PEAK1: variants seen among roughly 807,000 people sequenced by gnomAD.
PEAK1 encodes the protein inactive tyrosine-protein kinase PEAK1.
PEAK1 carries 54 observed loss-of-function variants against 124.7 expected under a neutral mutation model. The ratio of observed to expected loss-of-function variants is 0.43; its 90% CI spans 0.35 to 0.54. The LOEUF is 0.54. PEAK1 is among the 20% of genes least tolerant of loss of function. The pLI is 0.01. For missense variants in PEAK1, 2,046 were observed against 2,134.5 expected (o/e 0.96, Z 0.82); for synonymous variants, 719 against 760.0 (o/e 0.95, Z 0.89).
chr15:77,177,283 G>T (rs2056944385), intron 7 of PEAK1, among the ~76,000 whole-genome samples: 1 of 152,018 alleles, frequency 6.6e-6, no homozygotes, highest in African/African-American at 2.4e-5. Context: ...TATTACTACT[G>T]GAGTACATTC....
Position 77,303,473 on chromosome 15 carries a change from T to C in PEAK1, c.-602-16969A>G, listed in dbSNP as rs142917366. On this transcript the variant is annotated intron_variant, in intron 2 of 9. Coordinates refer to ENST00000682557, the MANE Select transcript of PEAK1 (RefSeq NM_001385026.1). ...GCTGAGTAGTGGTACCACATTATTG[T>C]TTTAATTTGCAATTCCCTAATGACA... Among the ~76,000 whole-genome samples the C allele has an allele frequency of 3.3e-5, 5 of 152,304 alleles. No homozygotes were observed. In the East Asian group the frequency reaches 9.6e-4, roughly 29 times the overall value.
chr15:77,370,896 G>A, intron 1 of PEAK1: 1 of 408,078 alleles, frequency 2.5e-6, no homozygotes, highest in South Asian at 1.0e-4. Flanking sequence ...CACGTGTGGT[G>A]GCCCACGCCT....
rs1405771155 is a variant in PEAK1 at position 77,181,327 on chromosome 15, C to G, written c.600G>C (p.Gly200=). Residue 200 remains glycine (G), a synonymous_variant, in exon 7 of 10, where the codon GGG becomes GGC. Coordinates refer to ENST00000682557, the MANE Select transcript of PEAK1 (RefSeq NM_001385026.1). ...CATGCTTGCCCTGAGTTTCCTTTAT[C>G]CCACCTATCATGCAACTTGGTGGAA... ...RKLPPSCMIG[G]IKETQGKHVI... The G allele has an allele frequency of 6.2e-7, 1 of 1,614,120 alleles. No individual in the cohort carries two copies. The highest frequency in any genetic ancestry group is 2.2e-5 in the East Asian group (1 of 44,884).
At chr15:77,314,881 G>T (rs1027215863) in intron 2 of PEAK1, among the ~76,000 whole-genome samples, 18 of 152,100 alleles carry the variant, frequency 1.2e-4, no homozygotes, top group Non-Finnish European at 1.6e-4. Context: ...CGACCCATGG[G>T]AATAACAGAC....
intron 7 of PEAK1, among the ~76,000 whole-genome samples, chr15:77,159,879 C>T (rs957948914): frequency 1.3e-5 from 2 of 152,080 alleles, no homozygotes; most frequent in African/African-American, 4.8e-5. Flanking sequence ...GAAAAATAAG[C>T]CTTGATGTCT....
intron 1 of PEAK1, chr15:77,418,351 T>C (rs934457458): frequency 1.0e-6 from 1 of 985,170 alleles, no homozygotes; most frequent in African/African-American, 1.7e-5. Context: ...TGACATTTTT[T>C]CCCACATAAT....
At position 77,180,568 on chromosome 15, in the gene PEAK1, G is replaced by A. The variant is rs539194344; in HGVS notation, c.1359C>T (p.Val453=). The A allele has an allele frequency of 3.7e-6, 6 of 1,614,114 alleles. No homozygotes were observed. In the East Asian group the frequency reaches 1.3e-4, roughly 36 times the overall value. ...AAGGTTTTGCTTGCTCTTCTGTGGG[G>A]ACAAGGTTTATGGTTACTGCTTGCC... ...VAGQAVTINL[V]PTEEQAKPYR... is the part of the protein sequence containing the mutation. Residue 453 remains valine (V), a synonymous_variant, in exon 7 of 10, where the codon GTC becomes GTT. Transcript: ENST00000682557.
At chr15:77,412,523 A>G (rs191745180) in intron 1 of PEAK1, among the ~76,000 whole-genome samples, 4 of 152,210 alleles carry the variant, frequency 2.6e-5, no homozygotes, top group Non-Finnish European at 5.9e-5. Flanking sequence ...GTATCAAAAC[A>G]TATCCAGTTA....
At position 77,387,197 on chromosome 15, in the gene PEAK1, G is replaced by A. The variant is rs574873928; in HGVS notation, c.-665-21972C>T. 9.2e-5 allele frequency among the ~76,000 whole-genome samples: 14 copies of A among 152,172 alleles called. No individual in the cohort carries two copies. In the South Asian group the frequency reaches 2.9e-3, roughly 32 times the overall value. ...GATAATCTTTTCTACAAAAACACTTGCTCCCTTAAATTAATAAGTTATTAA... is the reference window on the plus strand; with the variant it reads ...GATAATCTTTTCTACAAAAACACTTACTCCCTTAAATTAATAAGTTATTAA... On this transcript the variant is annotated intron_variant, in intron 1 of 9. Transcript: ENST00000682557.
At chr15:77,349,492 A>C in intron 2 of PEAK1, 1 of 985,128 alleles carries the variant, frequency 1.0e-6, no homozygotes, top group South Asian at 4.7e-5. Flanking sequence ...CCCAAAGCTC[A>C]ATTGATATTG....
intron 2 of PEAK1, chr15:77,346,629 G>A (rs567151271): frequency 6.5e-5 from 64 of 985,170 alleles, no homozygotes; most frequent in Middle Eastern, 5.2e-4. Flanking sequence ...ACAAAACAGC[G>A]AAGAAACAGA....
intron 2 of PEAK1, among the ~76,000 whole-genome samples, chr15:77,315,260 T>C (rs943862496): frequency 2.0e-5 from 3 of 152,196 alleles, no homozygotes; most frequent in African/African-American, 7.2e-5. Context: ...TCATTTAATA[T>C]ATCAATATTG....
chr15:77,377,662 G>GT (rs1418566607), intron 1 of PEAK1, among the ~76,000 whole-genome samples: 8 of 151,980 alleles, frequency 5.3e-5, no homozygotes, highest in African/African-American at 1.9e-4. Context: ...TAGAGATGGG[G>GT]TTTTACCATG....
At chr15:77,226,489 AG>A (rs2059682927) in intron 6 of PEAK1, among the ~76,000 whole-genome samples, 1 of 152,090 alleles carries the variant, frequency 6.6e-6, no homozygotes, top group Admixed American at 6.6e-5. Context: ...ACTTTGTAAC[AG>A]GGTCCAGAAA....
At chr15:77,304,862 C>T (rs2063997271) in intron 2 of PEAK1, among the ~76,000 whole-genome samples, 1 of 152,080 alleles carries the variant, frequency 6.6e-6, no homozygotes, top group South Asian at 2.1e-4. Flanking sequence ...ATACAAATCA[C>T]CTAGCCTACT....
chr15:77,221,353 T>C (rs2059383393), intron 6 of PEAK1, among the ~76,000 whole-genome samples: 1 of 152,124 alleles, frequency 6.6e-6, no homozygotes, highest in Non-Finnish European at 1.5e-5. Flanking sequence ...AGATTTCTTC[T>C]CTAGAGGTGA....
chr15:77,384,503 G>C (rs529272307), intron 1 of PEAK1, among the ~76,000 whole-genome samples: 10 of 152,268 alleles, frequency 6.6e-5, no homozygotes, highest in Admixed American at 6.5e-4. Context: ...AGCTGGACAA[G>C]TAATAGTTTC....
At chr15:77,351,282 G>C (rs895073593) in intron 2 of PEAK1, among the ~76,000 whole-genome samples, 1 of 152,176 alleles carries the variant, frequency 6.6e-6, no homozygotes, top group African/African-American at 2.4e-5. Flanking sequence ...GAGAGGATGT[G>C]ACAGACCCAC....
Position 77,122,650 on chromosome 15 carries a change from A to G in PEAK1, c.4078-7331T>C, listed in dbSNP as rs2052019022. 4.6e-5 allele frequency among the ~76,000 whole-genome samples: 7 copies of G among 152,302 alleles called. No homozygotes were observed. The South Asian group carries it at 1.5e-3, about 32-fold the overall frequency. ...TCCAAAACCTCTCCTTCCTAAATCAATTCCCAGTTGAGACTCAGGTGCTTC... is the reference window on the plus strand; with the variant it reads ...TCCAAAACCTCTCCTTCCTAAATCAGTTCCCAGTTGAGACTCAGGTGCTTC... On this transcript the variant is annotated intron_variant, in intron 9 of 9. Transcript: ENST00000682557.
Sources: gnomAD v4.1 joint callset for allele counts (sites outside exome capture counted in the v4.1 genomes callset) on GRCh38, gnomAD v4.1.1 for gene constraint, MANE v1.5 for transcripts, NCBI Gene and HGNC (gene_info 2026-07-23, HGNC 2026-07-21) for gene names.